PHLDB1: variants seen among roughly 807,000 people sequenced by gnomAD.
PHLDB1 encodes the protein pleckstrin homology like domain family B member 1, also known as pleckstrin homology-like domain family B member 1.
PHLDB1 carries 65 observed loss-of-function variants against 139.3 expected under a neutral mutation model. The ratio of observed to expected loss-of-function variants is 0.47; its 90% CI spans 0.38 to 0.57. PHLDB1 has a LOEUF of 0.57. PHLDB1 is among the 20% of genes least tolerant of loss of function. The pLI, the probability that PHLDB1 is intolerant of heterozygous loss-of-function variation, is 0.00. For missense variants in PHLDB1, 1,624 were observed against 1,839.7 expected, an observed-to-expected ratio of 0.88 and a Z score of 2.14; for synonymous variants, 679 against 734.5, an observed-to-expected ratio of 0.92 and a Z score of 1.22.
intron 15 of PHLDB1, 74 bp downstream of exon 15, chr11:118,644,248 C>CA: frequency 1.0e-6 from 1 of 955,732 alleles, no homozygotes; most frequent in South Asian, 1.4e-5. Context: ...CCTCTATGCT[C>CA]ACACCTTTCA....
rs1452497161 is a variant in PHLDB1 at position 118,608,325 on chromosome 11, G to T, written c.-22+626G>T. Among the ~76,000 whole-genome samples, 5 of 152,130 alleles carry T rather than the reference G, an allele frequency of 3.3e-5. No homozygotes were observed. Among genetic ancestry groups the T allele is most frequent in the Non-Finnish European group, 7.4e-5 (5 of 67,990 alleles). ...CACGTCCTCGGGGGCCGGGGAGGCC[G>T]CCTGGGGCGCCTTGCCACGCCCGCG... On this transcript the variant is annotated intron_variant, in intron 1 of 22. Transcript: ENST00000600882. This position sits in a 1 kb window ranked among gnomAD's most constrained non-coding sequence, Gnocchi z 6.7.
chr11:118,654,389 T>C (rs77740370), intron 20 of PHLDB1: 3 of 151,580 alleles, frequency 2.0e-5, no homozygotes, highest in Admixed American at 2.0e-4. Flanking sequence ...GCTTCCTATC[T>C]TTTTTTTTAA....
rs782207966 is a variant in PHLDB1, at chr11:118,656,666, C to T, written c.3994-17C>T. 1.2e-5 allele frequency: 19 copies of T among 1,611,442 alleles called. No individual in the cohort carries two copies. Among genetic ancestry groups the T allele is most frequent in the Non-Finnish European group, 1.5e-5 (18 of 1,178,212 alleles). The stretch of plus-strand genomic sequence containing the variant: ...TGGGTGAGCCCCATCTTAGACCTTC[C>T]TCTCTTCCTTTGGCAGAGCCCGAAC... On this transcript the variant is annotated splice_polypyrimidine_tract_variant and intron_variant, in intron 22 of 22. Transcript: ENST00000600882.
At position 118,645,377 on chromosome 11, in the gene PHLDB1, A is replaced by AGCGGCG. The variant is rs1228221081; in HGVS notation, c.3147_3152dup (p.Arg1050_Arg1051dup). 1 of 1,519,984 alleles carries AGCGGCG rather than the reference A, an allele frequency of 6.6e-7. No homozygotes were observed. Among genetic ancestry groups the AGCGGCG allele is most frequent in the African/African-American group, 1.4e-5 (1 of 71,958 alleles). The allele number at this position is 1,519,984 out of a possible 1,614,324, so 94.2% of individuals were successfully genotyped here. On this transcript the variant is annotated inframe_insertion, in exon 16 of 23. Transcript: ENST00000600882. This position sits in a 1 kb window ranked among gnomAD's most constrained non-coding sequence, Gnocchi z 5.1. ...TCAGGACAACAAGTGATTGAAGAGC[A>AGCGGCG]GCGGCGGCGACTGGCTGAGCTGAAG...
chr11:118,624,522 T>C (rs1943457632), intron 4 of PHLDB1: 1 of 235,690 alleles, frequency 4.2e-6, no homozygotes, highest in Non-Finnish European at 8.3e-6. Flanking sequence ...GTGAGCCTGC[T>C]AGTGCTGTGA....
chr11:118,646,787 G>T (rs1324477195), intron 17 of PHLDB1: 2 of 152,202 alleles, frequency 1.3e-5, no homozygotes, highest in Non-Finnish European at 2.9e-5. Context: ...AGAGTGGGAC[G>T]CAGAGAGTAA....
intron 4 of PHLDB1, among the ~76,000 whole-genome samples, chr11:118,616,495 A>T (rs1941672521): frequency 1.3e-5 from 2 of 152,124 alleles, no homozygotes; most frequent in Non-Finnish European, 2.9e-5. Context: ...GGCCTGGGGC[A>T]TGATGGCGTT....
rs112975178 is a variant in PHLDB1, at chr11:118,645,123, G to T, written c.3122-233G>T. ...GGTGTCCTATATGGACTCAGGGTGC[G>T]AAAGAGCACTGAAGCCAGACTGTGC... On this transcript the variant is annotated intron_variant, in intron 15 of 22. Coordinates refer to ENST00000600882, the MANE Select transcript of PHLDB1 (RefSeq NM_001144758.3). This position sits in a 1 kb window ranked among gnomAD's most constrained non-coding sequence, Gnocchi z 5.1. The T allele has an allele frequency of 1.0e-5, 5 of 479,248 alleles. No homozygotes were observed. The highest frequency in any genetic ancestry group is 4.0e-5 in the African/African-American group (2 of 50,428). The allele number at this position is 479,248 out of a possible 1,614,324, so 29.7% of individuals were successfully genotyped here.
chr11:118,616,217 G>GCTGGAAACCT lies in PHLDB1; in HGVS notation c.355+11_355+12insAACCTCTGGA. 6.2e-7 allele frequency: 1 copy of GCTGGAAACCT among 1,613,224 alleles called. No homozygotes were observed. The highest frequency in any genetic ancestry group is 8.5e-7 in the Non-Finnish European group (1 of 1,179,652). On this transcript the variant is annotated splice_region_variant and intron_variant, in intron 4 of 22. Transcript: ENST00000600882. ...GCCTACCCGGCTCACTCAGGGTAAG[G>GCTGGAAACCT]CTGGACACCTCCAGATGGAGGGGGC...
rs782000739 is a variant in PHLDB1 at position 118,647,982 on chromosome 11, G to A, written c.3560G>A (p.Arg1187His). The A allele has an allele frequency of 5.0e-6, 8 of 1,600,808 alleles. No individual in the cohort carries two copies. Among genetic ancestry groups the A allele is most frequent in the East Asian group, 2.3e-5 (1 of 44,108 alleles). ...GCCCTGGAGGAGGAGCGGCGGAGGC[G>A]TGAGCAGGTAGAACGGAGGCTGCAG... ...RQALEEERRR[R>H]EQVERRLQSE... Residue 1187 changes from arginine to histidine, a missense_variant, in exon 18 of 23, where the codon CGT (arginine) becomes CAT (histidine). By Grantham distance (29) the Arg-to-His change is conservative. Coordinates refer to ENST00000600882, the MANE Select transcript of PHLDB1 (RefSeq NM_001144758.3).
At position 118,645,074 on chromosome 11, in the gene PHLDB1, C is replaced by T. The variant is rs1159058132; in HGVS notation, c.3122-282C>T. On this transcript the variant is annotated intron_variant, in intron 15 of 22. Transcript: ENST00000600882. This position sits in a 1 kb window ranked among gnomAD's most constrained non-coding sequence, Gnocchi z 5.1. Reference sequence around the variant, plus strand: ...CTGGAGCCAACTGGCTGTCGTGCTGCCCCAGCACTACTTGGGTAGGTTTGG... The same window carrying T: ...CTGGAGCCAACTGGCTGTCGTGCTGTCCCAGCACTACTTGGGTAGGTTTGG... 1.5e-5 allele frequency: 6 copies of T among 407,214 alleles called. No homozygotes were observed. The highest frequency in any genetic ancestry group is 2.2e-5 in the Non-Finnish European group (5 of 229,954). 25.2% of individuals were successfully genotyped at this position (407,214 alleles called of 1,614,324 possible). A position where few individuals can be genotyped will look rare whatever the true frequency, so the allele number is the denominator to read the frequency against.
chr11:118,656,274 C>G (rs1555141837), intron 22 of PHLDB1, among the ~76,000 whole-genome samples: 1 of 152,176 alleles, frequency 6.6e-6, no homozygotes, highest in Non-Finnish European at 1.5e-5. Flanking sequence ...CAGTCCTGAT[C>G]TCTGCTCCTC....
At chr11:118,641,616 CGTGATGCTTGAGCAGCTAAAG>C (rs1946528476) in intron 12 of PHLDB1, 1 of 1,279,426 alleles carries the variant, frequency 7.8e-7, no homozygotes, top group South Asian at 1.2e-5. Flanking sequence ...GCTCCAAGTA[CGTGATGCTTGAGCAGCTAAAG>C]GTGATGCGGG....
In PHLDB1 at chr11:118,608,453, G is replaced by A. The variant is rs1591405723; in HGVS notation, c.-22+754G>A. ...AAGTGCGGGCGGGCGGCTGGGTAGG[G>A]GCGCCGGCGCAGGGTGGCCGAGTCG... On this transcript the variant is annotated intron_variant, in intron 1 of 22. Transcript: ENST00000600882. The surrounding 1 kb of genome is among the most constrained non-coding windows in gnomAD (Gnocchi z 6.7). Among the ~76,000 whole-genome samples the A allele has an allele frequency of 1.3e-5, 2 of 152,280 alleles. No homozygotes were observed. Among genetic ancestry groups the A allele is most frequent in the African/African-American group, 4.8e-5 (2 of 41,560 alleles).
rs782416788 is a variant in PHLDB1 at position 118,645,488 on chromosome 11, C to G, written c.3254C>G (p.Pro1085Arg). ...PFPAGPSGFPPLMHHSILHHL... is the reference protein window; with the variant it reads ...PFPAGPSGFPRLMHHSILHHL... ...CCAGCGGGCCCCTCGGGCTTCCCCC[C>G]TCTCATGCACCACTCTATCCTACAC... The change falls in exon 16 of 23, where the codon CCT (proline) becomes CGT (arginine). Residue 1085 changes from proline (P) to arginine (R), a missense_variant. Coordinates refer to ENST00000600882, the MANE Select transcript of PHLDB1 (RefSeq NM_001144758.3). This position sits in a 1 kb window ranked among gnomAD's most constrained non-coding sequence, Gnocchi z 5.1. The G allele has an allele frequency of 1.3e-5, 21 of 1,611,968 alleles. No homozygotes were observed. Among genetic ancestry groups the G allele is most frequent in the Admixed American group, 1.7e-5 (1 of 59,776 alleles).
intron 21 of PHLDB1, 29 bp from the exon 22 acceptor site, chr11:118,655,831 C>A: frequency 1.2e-6 from 2 of 1,604,944 alleles, no homozygotes; most frequent in Non-Finnish European, 1.7e-6. Flanking sequence ...TGTCAACTTT[C>A]TCTTCCTTTC....
At chr11:118,646,112 T>C (rs544898546) in intron 17 of PHLDB1, among the ~76,000 whole-genome samples, 294 of 151,958 alleles carry the variant, frequency 1.9e-3, no homozygotes, top group Middle Eastern at 3.4e-3. Context: ...TACAAAAAAT[T>C]AGCTGGGCGT....
At chr11:118,615,377 G>A (rs963039500) in intron 3 of PHLDB1, among the ~76,000 whole-genome samples, 4 of 152,050 alleles carry the variant, frequency 2.6e-5, no homozygotes, top group Non-Finnish European at 5.9e-5. Context: ...TGGGAGTCAG[G>A]GCAAGATCTC....
At chr11:118,623,915 T>TGA (rs1478669182) in intron 4 of PHLDB1, among the ~76,000 whole-genome samples, 1,434 of 130,104 alleles carry the variant, frequency 0.011, 19 homozygotes, top group East Asian at 0.041. Context: ...TGTGTGTGTG[T>TGA]GTGAGACGGA....
Sources: allele counts gnomAD v4.1 joint callset (sites outside exome capture counted in the v4.1 genomes callset), GRCh38; gene constraint gnomAD v4.1.1; non-coding constraint Gnocchi (gnomAD v3.1); transcripts MANE v1.5; gene names NCBI Gene and HGNC (gene_info 2026-07-23, HGNC 2026-07-21).